SGSM1: variants seen among roughly 807,000 people sequenced by gnomAD.
SGSM1 encodes the protein RUN and TBC1 domain containing 2.
Under a neutral mutation model 133.8 loss-of-function variants are expected in SGSM1, and 73 were observed. The ratio of observed to expected loss-of-function variants is 0.55; its 90% CI spans 0.45 to 0.66. The LOEUF (loss-of-function observed/expected upper bound fraction) is 0.66. Ranked by LOEUF, SGSM1 falls within the 30% of genes least tolerant of loss-of-function variation. The probability of loss-of-function intolerance (pLI) is 0.00; values close to 1 mark genes in which losing one functional copy is unlikely to be tolerated. For missense variants in SGSM1, 1,213 were observed against 1,448.1 expected (o/e 0.84, Z 2.64); for synonymous variants, 563 against 573.0 (o/e 0.98, Z 0.25).
chr22:24,916,036 C>A (rs947425931), intron 22 of SGSM1, among the ~76,000 whole-genome samples: 2 of 84,754 alleles, frequency 2.4e-5, no homozygotes, highest in Non-Finnish European at 2.4e-5. Flanking sequence ...TATTCGTCCA[C>A]CATCTGTTTT....
intron 9 of SGSM1, among the ~76,000 whole-genome samples, chr22:24,861,956 C>CTTTT (rs551010251): frequency 3.4e-5 from 4 of 116,508 alleles, no homozygotes; most frequent in African/African-American, 3.9e-5. Context: ...TTCTTTCTTT[C>CTTTT]TTTTTTTTTT....
chr22:24,855,591 T>TCCCTCCCTGC lies in SGSM1; in HGVS notation c.717_718insCCTGCCCCTC (p.Ser240ProfsTer49). ...CAGTGGCAGCATGGATGACCGGCCA[T>TCCCTCCCTGC]CCCTCTCTGCCCGCGACTACGTGGA... On this transcript the variant is annotated frameshift_variant, in exon 8 of 25. Transcript: ENST00000400358. LOFTEE classifies it high-confidence loss of function. The TCCCTCCCTGC allele has an allele frequency of 6.2e-7, 1 of 1,613,874 alleles. No homozygotes were observed. The highest frequency in any genetic ancestry group is 1.1e-5 in the South Asian group (1 of 91,066).
rs530124898 is a variant in SGSM1 at position 24,897,897 on chromosome 22, A to T, written c.2023-75A>T. 5 of 1,291,020 alleles carry T rather than the reference A, an allele frequency of 3.9e-6. No homozygotes were observed. In the South Asian group the frequency reaches 5.7e-5, roughly 15 times the overall value. The allele number at this position is 1,291,020 out of a possible 1,614,324, so 80.0% of individuals were successfully genotyped here. A position where few individuals can be genotyped will look rare whatever the true frequency, so the allele number is the denominator to read the frequency against. ...ATTTAAGCCGATCACCTGTTGTTGG[A>T]TGTTTAGGTTGCTGATGTAAGTAAT... On this transcript the variant is annotated intron_variant, in intron 18 of 24. Coordinates refer to ENST00000400358, the MANE Select transcript of SGSM1 (RefSeq NM_001098497.3).
In SGSM1 at chr22:24,868,855, G is replaced by A. The variant is rs1428375094; in HGVS notation, c.1291G>A (p.Val431Met). ...CTACCCTGGCATGCAGTCGGAATTCGGTGAGCTGCCCTGTCCCGGGCCCCG... is the reference window on the plus strand; with the variant it reads ...CTACCCTGGCATGCAGTCGGAATTCAGTGAGCTGCCCTGTCCCGGGCCCCG... ...IIYPGMQSEFVPQDLMDVSVS... is the reference protein window; with the variant it reads ...IIYPGMQSEFMPQDLMDVSVS... The change falls in exon 12 of 25, where the codon GTG becomes ATG. Residue 431 changes from valine to methionine, a missense_variant and splice_region_variant. Coordinates refer to ENST00000400358, the MANE Select transcript of SGSM1 (RefSeq NM_001098497.3). The A allele has an allele frequency of 6.2e-7, 1 of 1,613,646 alleles. No individual in the cohort carries two copies. The highest frequency in any genetic ancestry group is 8.5e-7 in the Non-Finnish European group (1 of 1,179,842).
chr22:24,815,676 C>G (rs1363168737), intron 2 of SGSM1, among the ~76,000 whole-genome samples: 2 of 152,184 alleles, frequency 1.3e-5, no homozygotes, highest in Non-Finnish European at 2.9e-5. Context: ...ACCTGGGAAG[C>G]AGAGCTTGGC....
intron 2 of SGSM1, 49 bp downstream of exon 2, chr22:24,806,533 G>T: frequency 6.7e-7 from 1 of 1,487,530 alleles, no homozygotes; most frequent in Non-Finnish European, 8.9e-7. Flanking sequence ...GGCAGCAGCG[G>T]CCAAACGGGA....
At chr22:24,847,989 G>A (rs1012864154) in intron 4 of SGSM1, among the ~76,000 whole-genome samples, 193 bp downstream of exon 4, 2 of 151,060 alleles carry the variant, frequency 1.3e-5, no homozygotes, top group Admixed American at 6.6e-5. Context: ...CCATCTGATC[G>A]TCCATAGCTG....
Position 24,855,560 on chromosome 22 carries a change from G to A in SGSM1, c.681G>A (p.Arg227=). 2 of 1,613,854 alleles carry A rather than the reference G, an allele frequency of 1.2e-6. No individual in the cohort carries two copies. The highest frequency in any genetic ancestry group is 1.7e-6 in the Non-Finnish European group (2 of 1,179,832). The change falls in exon 8 of 25, where the codon AGG becomes AGA. Residue 227 remains arginine (R), a synonymous_variant. Transcript: ENST00000400358. ...TCACTCTCTACCAGATCCAGAAGAG[G>A]CATTCCAGTGGCAGCATGGATGACC... The part of the protein sequence containing the change: ...TKRPALCIQK[R]HSSGSMDDRP...
chr22:24,905,013 G>A, intron 20 of SGSM1, 92 bp from the exon 21 acceptor site: 1 of 1,010,878 alleles, frequency 9.9e-7, no homozygotes, highest in Non-Finnish European at 1.6e-6. Context: ...TCCAGGTGAG[G>A]GATTGGGGAC....
chr22:24,893,684 A>AAT, intron 17 of SGSM1, 71 bp downstream of exon 17: 1 of 1,413,478 alleles, frequency 7.1e-7, no homozygotes, highest in Non-Finnish European at 9.3e-7. Context: ...GGGCTGTTCT[A>AAT]AGAGTGGTGA....
chr22:24,886,717 G>A lies in SGSM1; in HGVS notation c.1759G>A (p.Glu587Lys). The A allele has an allele frequency of 6.3e-7, 1 of 1,585,268 alleles. No homozygotes were observed. Among genetic ancestry groups the A allele is most frequent in the African/African-American group, 1.3e-5 (1 of 74,428 alleles). ...GHYQFGMTET[E>K]RKEVDEQIHA... ...CTACCAGTTCGGGATGACGGAAACA[G>A]AAAGGAAAGAGGTCGGTTACCTGCC... is the stretch of plus-strand genomic sequence containing the variant. The change falls in exon 16 of 25, where the codon GAA (glutamate) becomes AAA (lysine). Residue 587 changes from glutamate (E) to lysine (K), a missense_variant. Glu to Lys is a moderately conservative substitution (Grantham distance 56). Transcript: ENST00000400358.
At chr22:24,864,598 A>G (rs998057486) in intron 9 of SGSM1, among the ~76,000 whole-genome samples, 3 of 152,256 alleles carry the variant, frequency 2.0e-5, no homozygotes, top group Admixed American at 1.3e-4. Context: ...GTAGGATTCC[A>G]TTTAGATGAA....
At chr22:24,918,736 T>G (rs949460140) in intron 23 of SGSM1, among the ~76,000 whole-genome samples, 1 of 151,846 alleles carries the variant, frequency 6.6e-6, no homozygotes, top group Non-Finnish European at 1.5e-5. Flanking sequence ...TTTCTTTTTT[T>G]TTTTCTTTTT....
chr22:24,874,538 A>G (rs1931931346), intron 12 of SGSM1: 2 of 1,611,268 alleles, frequency 1.2e-6, no homozygotes, highest in East Asian at 2.2e-5. Context: ...GCCAGATGGG[A>G]CACTACTCTC....
rs138865316 is a variant in SGSM1 at position 24,866,711 on chromosome 22, T to G, written c.927-382T>G. 1.8e-3 allele frequency among the ~76,000 whole-genome samples: 277 copies of G among 152,272 alleles called. 2 individuals are homozygous for G. The highest frequency in any genetic ancestry group is 6.4e-3 in the African/African-American group (265 of 41,552). On this transcript the variant is annotated intron_variant, in intron 9 of 24. Transcript: ENST00000400358. ...GGCATCTCTTTCCCAGTCATTCAAA[T>G]GGAAATCTAATAATTGAGTCTCATT...
At chr22:24,908,525 A>G (rs1933492895) in intron 21 of SGSM1, among the ~76,000 whole-genome samples, 1 of 152,208 alleles carries the variant, frequency 6.6e-6, no homozygotes, top group African/African-American at 2.4e-5. Flanking sequence ...CAACCTGGCC[A>G]GGCGCGGTGG....
chr22:24,817,159 C>T (rs1928141474), intron 2 of SGSM1, among the ~76,000 whole-genome samples: 1 of 152,184 alleles, frequency 6.6e-6, no homozygotes, highest in South Asian at 2.1e-4. Flanking sequence ...ATTTGGAGCT[C>T]AGCCTGTGAT....
At chr22:24,832,064 C>G (rs577668469) in intron 2 of SGSM1, among the ~76,000 whole-genome samples, 1 of 152,320 alleles carries the variant, frequency 6.6e-6, no homozygotes, top group East Asian at 1.9e-4. Flanking sequence ...CCGTGGCTGT[C>G]TTGGGGCAGG....
intron 19 of SGSM1, 123 bp downstream of exon 19, chr22:24,898,682 G>A (rs541602844): frequency 7.4e-6 from 7 of 951,448 alleles, no homozygotes; most frequent in Admixed American, 5.6e-5. Context: ...CATTTTTTCC[G>A]TCATGGAGGA....
Sources: allele counts gnomAD v4.1 joint callset (sites outside exome capture counted in the v4.1 genomes callset), GRCh38; gene constraint gnomAD v4.1.1; transcripts MANE v1.5; gene names NCBI Gene and HGNC (gene_info 2026-07-23, HGNC 2026-07-21).